The following HTR7 variants were observed in gnomAD, a reference collection of about 807,000 sequenced individuals.
HTR7 encodes 5-HT-7.
HTR7 carries 16 observed loss-of-function variants against 34.0 expected under a neutral mutation model. That is an observed-to-expected ratio of 0.47 (90% CI 0.32 to 0.71). The LOEUF is 0.71. Ranked by LOEUF, HTR7 falls within the 30% of genes least tolerant of loss-of-function variation. HTR7 has a pLI of 0.04. For missense variants in HTR7, 504 were observed against 625.5 expected (o/e 0.81, Z 2.07); for synonymous variants, 265 against 260.2 (o/e 1.02, Z -0.18).
intron 1 of HTR7, among the ~76,000 whole-genome samples, chr10:90,802,114 C>T (rs970232819): frequency 3.3e-5 from 5 of 152,112 alleles, no homozygotes; most frequent in African/African-American, 1.2e-4. Context: ...CTGACTAGAC[C>T]GGTGTCTGTT....
intron 1 of HTR7, among the ~76,000 whole-genome samples, chr10:90,831,344 G>A (rs1244192461): frequency 1.3e-5 from 2 of 151,882 alleles, no homozygotes; most frequent in African/African-American, 4.8e-5. Flanking sequence ...ACTCAGGAGT[G>A]AAGCTGCAGA....
In HTR7 at chr10:90,857,528, C is replaced by T. The variant is rs762961827; in HGVS notation, c.144G>A (p.Leu48=). The change falls in exon 1 of 4, where the codon CTG becomes CTA. Residue 48 remains leucine, a synonymous_variant. Coordinates refer to ENST00000336152, the MANE Select transcript of HTR7 (RefSeq NM_019859.4). This position sits in a 1 kb window ranked among gnomAD's most constrained non-coding sequence, Gnocchi z 6.5. ...CCGGGCTGGCTGTCACCTCGCTCAG[C>T]AGGTGCGGCGCCCAGGAGCCCGCGA... The part of the protein sequence containing the change: ...DPVAGSWAPH[L]LSEVTASPAP... The T allele has an allele frequency of 6.2e-7, 1 of 1,608,352 alleles. No individual in the cohort carries two copies. The highest frequency in any genetic ancestry group is 1.7e-5 in the Admixed American group (1 of 59,428).
intron 1 of HTR7, among the ~76,000 whole-genome samples, chr10:90,827,199 C>T (rs1846092068): frequency 1.3e-5 from 2 of 151,956 alleles, no homozygotes; most frequent in Admixed American, 1.3e-4. Context: ...GAAGTAAGTC[C>T]TTACTTATTA....
At chr10:90,823,410 C>T (rs1430401145) in intron 1 of HTR7, among the ~76,000 whole-genome samples, 2 of 152,302 alleles carry the variant, frequency 1.3e-5, no homozygotes, top group Non-Finnish European at 2.9e-5. Flanking sequence ...TGCATAGAGC[C>T]TATTTGTTTC....
At chr10:90,835,924 G>C (rs946766528) in intron 1 of HTR7, among the ~76,000 whole-genome samples, 1 of 152,112 alleles carries the variant, frequency 6.6e-6, no homozygotes, top group Non-Finnish European at 1.5e-5. Context: ...TTGTACTGGG[G>C]TATGGAAGCA....
chr10:90,741,628 T>C lies in HTR7; in HGVS notation c.*854A>G, dbSNP rs1433195554. 4 of 152,474 alleles carry C rather than the reference T, an allele frequency of 2.6e-5. No individual in the cohort carries two copies. Among genetic ancestry groups the C allele is most frequent in the Non-Finnish European group, 5.9e-5 (4 of 68,040 alleles). The allele number at this position is 152,474 out of a possible 1,614,324, so 9.4% of individuals were successfully genotyped here. On this transcript the variant is annotated 3_prime_UTR_variant, in exon 4 of 4. Transcript: ENST00000336152. ...ACACTTCTTCCACATAACATACAGT[T>C]ATGGGCCAGCCCATGGGTGGGCCCA...
chr10:90,797,878 A>T (rs1191687459), intron 1 of HTR7, among the ~76,000 whole-genome samples: 3 of 152,188 alleles, frequency 2.0e-5, no homozygotes, highest in Non-Finnish European at 4.4e-5. Flanking sequence ...AGGCTGAGGG[A>T]CTCATATCTG....
intron 1 of HTR7, among the ~76,000 whole-genome samples, chr10:90,840,175 T>TCACACACACACA (rs1406405693): frequency 4.9e-5 from 6 of 122,520 alleles, no homozygotes; most frequent in African/African-American, 1.8e-4. Context: ...TCTCTCTCTC[T>TCACACACACACA]CTCACACACA....
At chr10:90,823,057 C>T (rs916619307) in intron 1 of HTR7, among the ~76,000 whole-genome samples, 1 of 152,192 alleles carries the variant, frequency 6.6e-6, no homozygotes, top group Non-Finnish European at 1.5e-5. Context: ...CATGGAGAAC[C>T]CCTTCTAGGG....
At chr10:90,808,463 G>A (rs1845739097) in intron 1 of HTR7, among the ~76,000 whole-genome samples, 1 of 152,108 alleles carries the variant, frequency 6.6e-6, no homozygotes, top group African/African-American at 2.4e-5. Flanking sequence ...CCCCAACCTT[G>A]TATCTCTGCG....
chr10:90,856,957 A>G (rs1259552959), intron 1 of HTR7, among the ~76,000 whole-genome samples, 176 bp downstream of exon 1: 1 of 152,196 alleles, frequency 6.6e-6, no homozygotes, highest in Non-Finnish European at 1.5e-5. Context: ...TACATAGGCT[A>G]TGCCGTAACC....
chr10:90,771,542 C>T (rs993193584), intron 1 of HTR7, among the ~76,000 whole-genome samples: 3 of 152,210 alleles, frequency 2.0e-5, no homozygotes, highest in Non-Finnish European at 4.4e-5. Flanking sequence ...TTCTGGGTGC[C>T]ACCACATTCC....
chr10:90,846,522 C>G (rs771448123), intron 1 of HTR7, among the ~76,000 whole-genome samples: 14 of 152,154 alleles, frequency 9.2e-5, no homozygotes, highest in Non-Finnish European at 1.6e-4. Context: ...TCCAGGCTAC[C>G]CTTCCAGCAT....
At chr10:90,744,646 A>G (rs1003699602) in intron 2 of HTR7, among the ~76,000 whole-genome samples, 2 of 152,082 alleles carry the variant, frequency 1.3e-5, no homozygotes, top group African/African-American at 4.8e-5. Flanking sequence ...GCCTCTACCC[A>G]GTAGATGCCA....
intron 2 of HTR7, chr10:90,744,016 GGAAA>G (rs1268845651): frequency 4.2e-6 from 2 of 475,902 alleles, no homozygotes; most frequent in African/African-American, 4.0e-5. Flanking sequence ...GGTTTGTACA[GGAAA>G]GAAAGAAACT....
At chr10:90,855,937 T>A (rs1489877122) in intron 1 of HTR7, among the ~76,000 whole-genome samples, 3 of 152,152 alleles carry the variant, frequency 2.0e-5, no homozygotes, top group African/African-American at 7.2e-5. Context: ...TAAACCCTGG[T>A]CAAGCAAAAA....
chr10:90,857,317 G>A lies in HTR7; in HGVS notation c.355C>T (p.Leu119=). 1.2e-6 allele frequency: 2 copies of A among 1,614,088 alleles called. No individual in the cohort carries two copies. Among genetic ancestry groups the A allele is most frequent in the South Asian group, 1.1e-5 (1 of 91,068 alleles). The change falls in exon 1 of 4, where the codon CTG becomes TTG. Residue 119 remains leucine (L), a synonymous_variant. Transcript: ENST00000336152. This position sits in a 1 kb window ranked among gnomAD's most constrained non-coding sequence, Gnocchi z 6.5. ...VKKLRQPSNY[L]IVSLALADLS... is the part of the protein sequence containing the mutation. ...TCGGCCAGCGCCAGGGACACGATCA[G>A]GTAGTTGGAGGGCTGGCGGAGCTTC...
intron 1 of HTR7, among the ~76,000 whole-genome samples, chr10:90,794,280 G>A (rs1040743776): frequency 5.3e-5 from 8 of 152,100 alleles, no homozygotes; most frequent in South Asian, 2.1e-4. Flanking sequence ...ACAAGGAGCC[G>A]TCATCTCTTG....
At chr10:90,848,138 G>A (rs981776015) in intron 1 of HTR7, among the ~76,000 whole-genome samples, 3 of 145,310 alleles carry the variant, frequency 2.1e-5, no homozygotes, top group East Asian at 2.0e-4. Context: ...GCGCGATCTC[G>A]GCTCACCGCA....
Sources: allele counts gnomAD v4.1 joint callset (sites outside exome capture counted in the v4.1 genomes callset), GRCh38; gene constraint gnomAD v4.1.1; non-coding constraint Gnocchi (gnomAD v3.1); transcripts MANE v1.5; gene names NCBI Gene and HGNC (gene_info 2026-07-23, HGNC 2026-07-21).